The following RAB28 variants were observed in gnomAD, a reference collection of about 807,000 sequenced individuals.
RAB28 encodes ras-related protein Rab-28.
In RAB28, 24 loss-of-function variants were observed where a neutral mutation model predicts 31.7. The ratio of observed to expected loss-of-function variants is 0.76; its 90% CI spans 0.55 to 1.06. RAB28 has a LOEUF of 1.06. RAB28 is among the 50% of genes least tolerant of loss of function. The pLI is 0.00. For missense variants in RAB28, 254 were observed against 258.5 expected (o/e 0.98, Z 0.12); for synonymous variants, 100 against 90.4 (o/e 1.11, Z -0.60).
chr4:13,415,109 CATT>C (rs1367930781), intron 4 of RAB28, among the ~76,000 whole-genome samples: 5 of 152,204 alleles, frequency 3.3e-5, no homozygotes, highest in African/African-American at 1.2e-4. Context: ...GAAGAATCAT[CATT>C]AATTGCAGAT....
At chr4:13,380,307 A>C (rs1038063055) in intron 5 of RAB28, among the ~76,000 whole-genome samples, 1 of 152,138 alleles carries the variant, frequency 6.6e-6, no homozygotes, top group African/African-American at 2.4e-5. Flanking sequence ...AACATCAAAA[A>C]TCTTAAACCA....
At chr4:13,460,015 A>G (rs1401970868) in intron 4 of RAB28, 1 of 699,124 alleles carries the variant, frequency 1.4e-6, no homozygotes, top group Non-Finnish European at 2.2e-6. Flanking sequence ...TAGACCACGC[A>G]TCAAAACAGT....
intron 3 of RAB28, among the ~76,000 whole-genome samples, chr4:13,468,249 T>C (rs896109671): frequency 4.6e-5 from 7 of 152,024 alleles, no homozygotes; most frequent in East Asian, 1.9e-4. Context: ...CTTCATCTAA[T>C]TGACATTTAT....
chr4:13,369,886 G>T (rs1217740869), intron 6 of RAB28: 2 of 1,611,692 alleles, frequency 1.2e-6, no homozygotes, highest in Admixed American at 1.7e-5. Context: ...CTACTGTACT[G>T]AACAGATTCT....
chr4:13,424,819 C>G (rs951100475), intron 4 of RAB28, among the ~76,000 whole-genome samples: 4 of 152,182 alleles, frequency 2.6e-5, no homozygotes, highest in African/African-American at 9.7e-5. Context: ...TCCAGCAATT[C>G]TAACCTCTCT....
chr4:13,400,331 T>C (rs1433638396), intron 4 of RAB28, among the ~76,000 whole-genome samples: 1 of 152,176 alleles, frequency 6.6e-6, no homozygotes, highest in African/African-American at 2.4e-5. Context: ...CTATACATTT[T>C]AGATACAGTT....
intron 4 of RAB28, among the ~76,000 whole-genome samples, chr4:13,401,722 G>C (rs1218182780): frequency 6.6e-6 from 1 of 152,000 alleles, no homozygotes; most frequent in African/African-American, 2.4e-5. Context: ...AGATTTATCA[G>C]TTTTATTAAT....
At chr4:13,473,896 T>C (rs1307960482) in intron 3 of RAB28, 6 of 355,638 alleles carry the variant, frequency 1.7e-5, no homozygotes, top group African/African-American at 8.6e-5. Context: ...TCAATATTCA[T>C]TGCACAAAAA....
intron 2 of RAB28, among the ~76,000 whole-genome samples, chr4:13,476,897 C>T (rs1010584057): frequency 6.6e-6 from 1 of 151,356 alleles, no homozygotes; most frequent in African/African-American, 2.4e-5. Flanking sequence ...AATGAGGTGA[C>T]AAAACACAGG....
At chr4:13,441,857 C>G (rs1359573481) in intron 4 of RAB28, among the ~76,000 whole-genome samples, 1 of 152,176 alleles carries the variant, frequency 6.6e-6, no homozygotes, top group African/African-American at 2.4e-5. Context: ...AAGAGCTGTT[C>G]TGGGTTAATG....
chr4:13,376,787 A>G lies in RAB28; in HGVS notation c.496-165T>C, dbSNP rs530467754. Among the ~76,000 whole-genome samples, 4 of 152,244 alleles carry G rather than the reference A, an allele frequency of 2.6e-5. No individual in the cohort carries two copies. In the South Asian group the frequency reaches 8.3e-4, roughly 32 times the overall value. ...TTTGTCAAATGTAGCAACATTTTAA[A>G]TATAATAATTTTTAAATTATAAAGC... On this transcript the variant is annotated intron_variant, in intron 5 of 6. Coordinates refer to ENST00000330852, the MANE Select transcript of RAB28 (RefSeq NM_001017979.3).
chr4:13,410,240 T>C (rs1158425181), intron 4 of RAB28, among the ~76,000 whole-genome samples: 1 of 152,162 alleles, frequency 6.6e-6, no homozygotes, highest in Non-Finnish European at 1.5e-5. Context: ...AACAGTCTAA[T>C]ATAGTATCCC....
At position 13,385,009 on chromosome 4, in the gene RAB28, T is replaced by C. The variant is rs181986368; in HGVS notation, c.392-3415A>G. 2.5e-3 allele frequency among the ~76,000 whole-genome samples: 388 copies of C among 152,282 alleles called. 3 individuals are homozygous for C. The highest frequency in any genetic ancestry group is 0.017 in the Middle Eastern group (5 of 294). ...AAAACAGCCAGTACAGAAAAGAATATAGCTGACCTGATAGAGCTGAAAAAT... is the reference window on the plus strand; with the variant it reads ...AAAACAGCCAGTACAGAAAAGAATACAGCTGACCTGATAGAGCTGAAAAAT... On this transcript the variant is annotated intron_variant, in intron 4 of 6. Coordinates refer to ENST00000330852, the MANE Select transcript of RAB28 (RefSeq NM_001017979.3).
At chr4:13,441,056 T>C (rs369501789) in intron 4 of RAB28, among the ~76,000 whole-genome samples, 2,555 of 152,206 alleles carry the variant, frequency 0.017, 69 homozygotes, top group African/African-American at 0.058. Context: ...CTTGATTTTT[T>C]CCCTCGCTGT....
intron 4 of RAB28, among the ~76,000 whole-genome samples, chr4:13,382,847 T>C (rs1299952173): frequency 6.6e-6 from 1 of 151,704 alleles, no homozygotes; most frequent in Non-Finnish European, 1.5e-5. Flanking sequence ...TACAGGCGCC[T>C]GCCACCACGC....
intron 2 of RAB28, 49 bp from the exon 3 acceptor site, chr4:13,474,455 G>C: frequency 9.1e-7 from 1 of 1,104,108 alleles, no homozygotes; most frequent in Non-Finnish European, 1.3e-6. Context: ...AAAAAATTAA[G>C]TAACAATACA....
At chr4:13,451,748 A>G (rs1322997531) in intron 4 of RAB28, among the ~76,000 whole-genome samples, 1 of 151,636 alleles carries the variant, frequency 6.6e-6, no homozygotes, top group Non-Finnish European at 1.5e-5. Flanking sequence ...AATTGATTTT[A>G]TATTTATTGT....
At chr4:13,373,653 A>C (rs1728803441) in intron 6 of RAB28, among the ~76,000 whole-genome samples, 1 of 152,128 alleles carries the variant, frequency 6.6e-6, no homozygotes, top group African/African-American at 2.4e-5. Flanking sequence ...TGTGTTGATA[A>C]CTCATTTTAT....
intron 4 of RAB28, among the ~76,000 whole-genome samples, chr4:13,382,564 G>T (rs1469182165): frequency 5.9e-5 from 9 of 151,630 alleles, no homozygotes; most frequent in Admixed American, 2.6e-4. Flanking sequence ...CTACATAAAA[G>T]ACTTTATTTA....
Sources: allele counts gnomAD v4.1 joint callset (sites outside exome capture counted in the v4.1 genomes callset), GRCh38; gene constraint gnomAD v4.1.1; transcripts MANE v1.5; gene names NCBI Gene and HGNC (gene_info 2026-07-23, HGNC 2026-07-21).